The following CNBD1 variants were observed in gnomAD, a reference collection of about 807,000 sequenced individuals.
CNBD1 encodes the protein cyclic nucleotide-binding domain-containing protein 1.
In CNBD1, 71 loss-of-function variants were observed where a neutral mutation model predicts 54.4. The observed-to-expected ratio is 1.30, with a 90% confidence interval of 1.08 to 1.59. The LOEUF is 1.59. CNBD1 is among the 40% of genes most tolerant of loss of function. The probability of loss-of-function intolerance (pLI) is 0.00; values close to 1 mark genes in which losing one functional copy is unlikely to be tolerated. For synonymous variants in CNBD1, 182 were observed against 170.7 expected (o/e 1.07, Z -0.51); for missense variants, 659 against 518.0 (o/e 1.27, Z -2.64).
intron 4 of CNBD1, among the ~76,000 whole-genome samples, chr8:86,967,086 C>T (rs1808097049): frequency 6.6e-6 from 1 of 152,180 alleles, no homozygotes; most frequent in African/African-American, 2.4e-5. Flanking sequence ...CCCCACCTGA[C>T]CCAGAAGCCC....
At chr8:87,418,305 G>A (rs6468821) in intron 2 of CNBD1, among the ~76,000 whole-genome samples, 14,986 of 151,674 alleles carry the variant, frequency 0.099, 746 homozygotes, top group African/African-American at 0.11. Flanking sequence ...TGAGACAACC[G>A]AATATTCACA....
In CNBD1 at chr8:87,411,399, TA is replaced by T. The variant is rs1563591896; in HGVS notation, c.214-17146del. Among the ~76,000 whole-genome samples, 7 of 127,584 alleles carry T rather than the reference TA, an allele frequency of 5.5e-5. 1 individual carries two copies. Among genetic ancestry groups the T allele is most frequent in the African/African-American group, 2.2e-4 (7 of 31,656 alleles). 83.7% of individuals were successfully genotyped at this position (127,584 alleles called of 152,430 possible). ...AGGCAGGATTAACCTAGCTATATCA[TA>T]TATATATATATATATATATATATAT... On this transcript the variant is annotated intron_variant, in intron 2 of 7. Transcript: ENST00000521593.
chr8:87,286,900 T>C (rs1808710456), intron 8 of CNBD1, among the ~76,000 whole-genome samples: 1 of 152,100 alleles, frequency 6.6e-6, no homozygotes, highest in Non-Finnish European at 1.5e-5. Flanking sequence ...TTTTAACATC[T>C]CTCTCTACTC....
At chr8:87,264,675 T>C (rs1372549837) in intron 6 of CNBD1, among the ~76,000 whole-genome samples, 1 of 152,132 alleles carries the variant, frequency 6.6e-6, no homozygotes, top group Non-Finnish European at 1.5e-5. Flanking sequence ...TTCCTGACTT[T>C]TTAGTGATCG....
chr8:87,114,147 G>T (rs931484537), intron 4 of CNBD1, among the ~76,000 whole-genome samples: 2 of 152,218 alleles, frequency 1.3e-5, no homozygotes, highest in South Asian at 2.1e-4. Context: ...TTTTGAAAAG[G>T]TTATTGATGA....
Position 87,414,639 on chromosome 8 carries a change from A to T in CNBD1, c.214-13907A>T, listed in dbSNP as rs534282350. On this transcript the variant is annotated intron_variant, in intron 2 of 7. Coordinates refer to the CNBD1 transcript ENST00000521593. ...CTTATATCATGTAACATATAATAAC[A>T]ATATATCTTCTTGTACTATTACCAC... Among the ~76,000 whole-genome samples, 23 of 152,188 alleles carry T rather than the reference A, an allele frequency of 1.5e-4. No individual in the cohort carries two copies. In the South Asian group the frequency reaches 4.6e-3, roughly 30 times the overall value.
chr8:86,944,086 G>C (rs965258703), intron 4 of CNBD1, among the ~76,000 whole-genome samples: 1 of 152,148 alleles, frequency 6.6e-6, no homozygotes, highest in Non-Finnish European at 1.5e-5. Context: ...CAGTTTTACT[G>C]AGTTTACATG....
intron 3 of CNBD1, among the ~76,000 whole-genome samples, chr8:86,934,306 G>A (rs906477922): frequency 6.6e-6 from 1 of 152,062 alleles, no homozygotes; most frequent in Non-Finnish European, 1.5e-5. Context: ...GTGCCTTCGT[G>A]CATTCATATG....
intron 2 of CNBD1, among the ~76,000 whole-genome samples, chr8:86,895,747 G>C (rs987719564): frequency 6.6e-6 from 1 of 152,076 alleles, no homozygotes; most frequent in African/African-American, 2.4e-5. Flanking sequence ...ATGTCTTCTT[G>C]GATGAGGATC....
chr8:87,332,157 G>A (rs1214590519), intron 8 of CNBD1, among the ~76,000 whole-genome samples: 1 of 152,076 alleles, frequency 6.6e-6, no homozygotes, highest in East Asian at 1.9e-4. Flanking sequence ...AGATCAGCCT[G>A]GCCAACATGG....
intron 2 of CNBD1, among the ~76,000 whole-genome samples, chr8:87,392,589 A>C (rs1246716689): frequency 1.3e-5 from 2 of 152,042 alleles, no homozygotes; most frequent in Non-Finnish European, 2.9e-5. Flanking sequence ...ATTTATATGA[A>C]ATGCACAGAA....
At chr8:87,350,735 G>A (rs1479980561) in intron 8 of CNBD1, among the ~76,000 whole-genome samples, 6 of 152,072 alleles carry the variant, frequency 3.9e-5, no homozygotes, top group African/African-American at 1.2e-4. Flanking sequence ...CTACTGCTGT[G>A]TTTAAAGTTT....
At chr8:87,428,463 A>G in intron 2 of CNBD1, 1 of 329,208 alleles carries the variant, frequency 3.0e-6, no homozygotes, top group Non-Finnish European at 5.9e-6. Context: ...TGAAATATTG[A>G]TAAAAATAGG....
intron 10 of CNBD1, among the ~76,000 whole-genome samples, chr8:87,377,916 T>A (rs966305115): frequency 1.3e-5 from 2 of 150,134 alleles, no homozygotes; most frequent in African/African-American, 5.0e-5. Flanking sequence ...ATGATGAGCA[T>A]TTTTTCATGT....
intron 3 of CNBD1, among the ~76,000 whole-genome samples, chr8:86,922,188 C>CT (rs1338273027): frequency 2.6e-5 from 4 of 152,128 alleles, no homozygotes; most frequent in African/African-American, 9.7e-5. Flanking sequence ...AGCTGATACT[C>CT]TAATTGCCCA....
At chr8:86,944,109 G>C (rs1807404952) in intron 4 of CNBD1, among the ~76,000 whole-genome samples, 1 of 152,108 alleles carries the variant, frequency 6.6e-6, no homozygotes, top group Non-Finnish European at 1.5e-5. Context: ...ATTGGCAAAG[G>C]GGCAGCATTT....
intron 4 of CNBD1, among the ~76,000 whole-genome samples, chr8:86,973,652 A>G (rs187115957): frequency 1.3e-5 from 2 of 152,310 alleles, no homozygotes; most frequent in Admixed American, 1.3e-4. Flanking sequence ...AGTAGGGCTT[A>G]TGTATTTTCA....
At chr8:87,321,940 C>T (rs145292828) in intron 8 of CNBD1, among the ~76,000 whole-genome samples, 21,625 of 147,840 alleles carry the variant, frequency 0.15, 2,117 homozygotes, top group Admixed American at 0.25. Context: ...TCTCCCAATG[C>T]TATGCCTCCC....
At position 86,913,301 on chromosome 8, in the gene CNBD1, T is replaced by A. The variant is rs532729642; in HGVS notation, c.272+8107T>A. Among the ~76,000 whole-genome samples, 7 of 152,324 alleles carry A rather than the reference T, an allele frequency of 4.6e-5. No individual in the cohort carries two copies. The South Asian group carries it at 1.0e-3, about 23-fold the overall frequency. Reference sequence around the variant, plus strand: ...TTAAGGGAAGTGCCCTTTACAGATATACCATTTTACATTGTTAATCCTGTA... The same window carrying A: ...TTAAGGGAAGTGCCCTTTACAGATAAACCATTTTACATTGTTAATCCTGTA... On this transcript the variant is annotated intron_variant, in intron 3 of 10. Transcript: ENST00000518476.
Sources: allele counts gnomAD v4.1 joint callset (sites outside exome capture counted in the v4.1 genomes callset), GRCh38; gene constraint gnomAD v4.1.1; transcripts MANE v1.5; gene names NCBI Gene and HGNC (gene_info 2026-07-23, HGNC 2026-07-21).